The following GPHN variants were observed in gnomAD, a reference collection of about 807,000 sequenced individuals.
GPHN encodes gephyrin.
Under a neutral mutation model 95.5 loss-of-function variants are expected in GPHN, and 17 were observed. That is an observed-to-expected ratio of 0.18 (90% CI 0.12 to 0.27). The LOEUF is 0.27. GPHN is among the 10% of genes least tolerant of loss of function. The pLI is 1.00. For synonymous variants in GPHN, 320 were observed against 322.5 expected (o/e 0.99, Z 0.08); for missense variants, 660 against 978.1 (o/e 0.67, Z 4.34).
chr14:67,631,785 C>G, the GPHN span, among the ~76,000 whole-genome samples: 1 of 152,064 alleles, frequency 6.6e-6, no homozygotes, highest in Non-Finnish European at 1.5e-5. Flanking sequence ...AGGATTCTGT[C>G]CTTGATTCTC....
chr14:66,679,805 T>C (rs1412257136), intron 1 of GPHN, among the ~76,000 whole-genome samples: 1 of 152,240 alleles, frequency 6.6e-6, no homozygotes, highest in Non-Finnish European at 1.5e-5. Context: ...ATTTTCATTC[T>C]TTGTTGAAGT....
At chr14:67,315,857 G>A in the GPHN span, among the ~76,000 whole-genome samples, 3 of 152,198 alleles carry the variant, frequency 2.0e-5, no homozygotes, top group Non-Finnish European at 2.9e-5. Context: ...CCTGGAAGGC[G>A]GAGGTTGCGG....
chr14:67,534,862 G>A, the GPHN span, among the ~76,000 whole-genome samples: 1 of 152,044 alleles, frequency 6.6e-6, no homozygotes, highest in South Asian at 2.1e-4. Flanking sequence ...CATTTTCTGG[G>A]ACTTTATCCT....
the GPHN span, chr14:67,729,632 G>T: frequency 1.6e-6 from 1 of 618,718 alleles, no homozygotes; most frequent in Admixed American, 2.6e-5. Context: ...GCAGCTTTCT[G>T]AAAGCTTTTA....
intron 8 of GPHN, among the ~76,000 whole-genome samples, chr14:66,935,973 C>G (rs2067112928): frequency 6.6e-6 from 1 of 152,118 alleles, no homozygotes; most frequent in African/African-American, 2.4e-5. Flanking sequence ...TCTAGGCAGT[C>G]TGATTCTAAG....
At chr14:67,001,795 G>A (rs2072249308) in intron 9 of GPHN, among the ~76,000 whole-genome samples, 2 of 151,654 alleles carry the variant, frequency 1.3e-5, no homozygotes, top group South Asian at 4.1e-4. Flanking sequence ...GCAGCTCATG[G>A]TCATATATTG....
chr14:67,157,049 T>TA (rs2081635555), intron 18 of GPHN, among the ~76,000 whole-genome samples: 1 of 151,956 alleles, frequency 6.6e-6, no homozygotes, highest in Non-Finnish European at 1.5e-5. Context: ...TCTGGATTTT[T>TA]AAAAAAACAG....
chr14:67,646,753 T>A, the GPHN span: 5 of 1,597,182 alleles, frequency 3.1e-6, no homozygotes, highest in Non-Finnish European at 4.3e-6. Context: ...GTTGATGCAT[T>A]TGGCTGAAGT....
At chr14:67,047,367 T>TGTG (rs1280416718) in intron 10 of GPHN, among the ~76,000 whole-genome samples, 3 of 82,828 alleles carry the variant, frequency 3.6e-5, no homozygotes, top group Non-Finnish European at 6.1e-5. Context: ...TGTGTGTTTG[T>TGTG]TTTTTTTTTT....
intron 4 of GPHN, among the ~76,000 whole-genome samples, chr14:66,873,895 A>G (rs111611297): frequency 0.015 from 2,305 of 152,302 alleles, 33 homozygotes; most frequent in Non-Finnish European, 0.018. Flanking sequence ...CACAGGGCTC[A>G]AGCTCTGCTA....
the GPHN span, chr14:67,271,368 G>A: frequency 6.6e-6 from 1 of 152,176 alleles, no homozygotes; most frequent in Non-Finnish European, 1.5e-5. Context: ...TACTGCCTAG[G>A]TTCATATTCT....
chr14:67,028,751 A>C (rs924339902), intron 10 of GPHN, among the ~76,000 whole-genome samples: 14 of 152,090 alleles, frequency 9.2e-5, no homozygotes, highest in Non-Finnish European at 1.9e-4. Context: ...AATTCCTTGT[A>C]TGTTGTGGAT....
At chr14:67,019,916 G>A (rs1195395554) in intron 9 of GPHN, among the ~76,000 whole-genome samples, 4 of 152,140 alleles carry the variant, frequency 2.6e-5, no homozygotes, top group African/African-American at 4.8e-5. Flanking sequence ...CTACGCTTTC[G>A]TGTGTCCTGC....
the GPHN span, among the ~76,000 whole-genome samples, chr14:67,722,941 G>A: frequency 6.6e-6 from 1 of 152,188 alleles, no homozygotes; most frequent in African/African-American, 2.4e-5. Context: ...GCTCTGGGGA[G>A]AGTTCTACTG....
intron 3 of GPHN, among the ~76,000 whole-genome samples, chr14:66,815,810 A>G (rs2060941327): frequency 3.3e-5 from 5 of 152,214 alleles, no homozygotes; most frequent in Admixed American, 3.3e-4. Flanking sequence ...ACATATCAAT[A>G]CTAACCTTAA....
intron 8 of GPHN, among the ~76,000 whole-genome samples, chr14:66,940,022 C>G (rs1036001348): frequency 6.6e-6 from 1 of 152,074 alleles, no homozygotes; most frequent in Non-Finnish European, 1.5e-5. Flanking sequence ...GAAGGGGGAC[C>G]AAAAGCTTGA....
At chr14:67,238,908 G>A in the GPHN span, among the ~76,000 whole-genome samples, 1 of 152,166 alleles carries the variant, frequency 6.6e-6, no homozygotes, top group Non-Finnish European at 1.5e-5. Context: ...ATCCCAAAGT[G>A]CTGGGATTAC....
At chr14:66,707,776 A>T (rs1370472824) in intron 2 of GPHN, among the ~76,000 whole-genome samples, 1 of 124,966 alleles carries the variant, frequency 8.0e-6, no homozygotes, top group Non-Finnish European at 1.5e-5. Context: ...TAGGTATCCT[A>T]GAACTTAAAA....
At chr14:66,641,774 G>T (rs553313302) in intron 1 of GPHN, among the ~76,000 whole-genome samples, 181 of 152,034 alleles carry the variant, frequency 1.2e-3, no homozygotes, top group Non-Finnish European at 1.6e-3. Flanking sequence ...TTGAAGTTCA[G>T]ATGGAAGATT....
Sources: allele counts gnomAD v4.1 joint callset (sites outside exome capture counted in the v4.1 genomes callset), GRCh38; gene constraint gnomAD v4.1.1; transcripts MANE v1.5; gene names NCBI Gene and HGNC (gene_info 2026-07-23, HGNC 2026-07-21).